Variants in AK9 observed in about 807,000 individuals in gnomAD.
The protein encoded by AK9 is adenylate kinase domain containing 1.
A neutral mutation model predicts 239.6 loss-of-function variants in AK9; 191 were observed. The ratio of observed to expected loss-of-function variants is 0.80; its 90% CI spans 0.71 to 0.90. AK9 has a LOEUF of 0.90. AK9 is among the 40% of genes least tolerant of loss of function. The probability of loss-of-function intolerance (pLI) is 0.00; values close to 1 mark genes in which losing one functional copy is unlikely to be tolerated. For missense variants in AK9, 1,995 were observed against 2,214.7 expected, an observed-to-expected ratio of 0.90 and a Z score of 1.99; for synonymous variants, 689 against 721.0, an observed-to-expected ratio of 0.96 and a Z score of 0.71.
intron 17 of AK9, among the ~76,000 whole-genome samples, chr6:109,604,519 A>G (rs1231144831): frequency 6.6e-6 from 1 of 152,148 alleles, no homozygotes. Flanking sequence ...TTTGGCATAT[A>G]CTAAATTTTT....
Position 109,545,472 on chromosome 6 carries a change from T to C in AK9, c.3225+395A>G, listed in dbSNP as rs189409011. On this transcript the variant is annotated intron_variant, in intron 26 of 40. Transcript: ENST00000424296. ...CCCATGCTGTTCTTGTGATAGTGAA[T>C]AGTCTCACAAAATCTGATGGTTTTA... Among the ~76,000 whole-genome samples the C allele has an allele frequency of 3.8e-3, 576 of 152,288 alleles. 3 individuals carry two copies. The highest frequency in any genetic ancestry group is 0.013 in the African/African-American group (543 of 41,562).
At chr6:109,675,586 T>C in intron 2 of AK9, 43 bp downstream of exon 2, 1 of 1,252,212 alleles carries the variant, frequency 8.0e-7, no homozygotes, top group Non-Finnish European at 1.1e-6. Flanking sequence ...ATTGTGATTT[T>C]AAAAATAAAA....
intron 1 of AK9, among the ~76,000 whole-genome samples, chr6:109,681,000 A>G (rs1202121958): frequency 1.3e-5 from 2 of 152,236 alleles, no homozygotes; most frequent in Admixed American, 1.3e-4. Flanking sequence ...AACATACCAA[A>G]TTGTAAAGAA....
intron 24 of AK9, among the ~76,000 whole-genome samples, chr6:109,558,605 A>T (rs560538401): frequency 6.6e-6 from 1 of 152,298 alleles, no homozygotes; most frequent in Non-Finnish European, 1.5e-5. Context: ...TGCCAATGAC[A>T]CTATTTTGAT....
chr6:109,661,030 G>T (rs1426990811), intron 6 of AK9: 2 of 453,386 alleles, frequency 4.4e-6, no homozygotes, highest in Non-Finnish European at 8.6e-6. Flanking sequence ...ATTTCAAGAG[G>T]TTCATGAATG....
intron 1 of AK9, among the ~76,000 whole-genome samples, chr6:109,683,167 T>C (rs551307196): frequency 1.1e-4 from 16 of 152,330 alleles, no homozygotes; most frequent in Admixed American, 2.6e-4. Context: ...TCTCAATAGA[T>C]GCAGAAAATG....
intron 29 of AK9, among the ~76,000 whole-genome samples, chr6:109,519,038 T>C (rs962423138): frequency 2.6e-5 from 4 of 152,172 alleles, no homozygotes; most frequent in Admixed American, 6.5e-5. Context: ...GTTTAGCTCC[T>C]ACTTATAAAT....
chr6:109,579,562 C>T lies in AK9; in HGVS notation c.2179G>A (p.Val727Met). The T allele has an allele frequency of 6.4e-7, 1 of 1,551,414 alleles. No homozygotes were observed. Among genetic ancestry groups the T allele is most frequent in the South Asian group, 1.2e-5 (1 of 83,988 alleles). Residue 727 changes from valine (V) to methionine (M), a missense_variant, in exon 20 of 41, where the codon GTG becomes ATG. This residue lies in a region of AK9 where 1,290 missense variants were observed against 1,392.7 expected (regional missense o/e 0.93). Transcript: ENST00000424296. The stretch of plus-strand genomic sequence containing the variant: ...AATCTGTGCTTGCCTTTTGCCTTCA[C>T]TTTCATAAGTTCCAGTAGCCTTCGA... ...ENRRLLELMK[V>M]KAKEAEETDN... is the part of the protein sequence containing the mutation.
intron 17 of AK9, among the ~76,000 whole-genome samples, chr6:109,600,115 T>C (rs1791698448): frequency 6.6e-6 from 1 of 152,196 alleles, no homozygotes; most frequent in Non-Finnish European, 1.5e-5. Context: ...CAACACTATG[T>C]TGAATAGGAG....
chr6:109,522,578 T>C (rs1469766430), intron 29 of AK9, among the ~76,000 whole-genome samples: 7 of 152,098 alleles, frequency 4.6e-5, no homozygotes, highest in Non-Finnish European at 8.8e-5. Flanking sequence ...TCTCACTTTT[T>C]ATAGCATCTT....
intron 12 of AK9, among the ~76,000 whole-genome samples, chr6:109,626,909 T>A (rs1452965304): frequency 6.6e-6 from 1 of 152,196 alleles, no homozygotes; most frequent in East Asian, 1.9e-4. Context: ...TTATAAACAA[T>A]GTACACTTAG....
chr6:109,653,174 G>A (rs1028076336), intron 8 of AK9, among the ~76,000 whole-genome samples: 5 of 152,110 alleles, frequency 3.3e-5, no homozygotes, highest in East Asian at 1.9e-4. Context: ...TGATCCACCC[G>A]TCTCCGCCTC....
chr6:109,610,904 G>A (rs1259819563), intron 16 of AK9, among the ~76,000 whole-genome samples: 2 of 152,286 alleles, frequency 1.3e-5, no homozygotes, highest in East Asian at 3.9e-4. Flanking sequence ...GAGACTACAA[G>A]GGACAGTGAG....
intron 25 of AK9, among the ~76,000 whole-genome samples, chr6:109,547,462 T>C (rs925495744): frequency 5.3e-5 from 8 of 152,188 alleles, no homozygotes; most frequent in Non-Finnish European, 1.2e-4. Flanking sequence ...GTCTCTTTAA[T>C]ATATGGTGCT....
At chr6:109,648,347 G>C (rs553689782) in intron 8 of AK9, among the ~76,000 whole-genome samples, 2 of 151,956 alleles carry the variant, frequency 1.3e-5, no homozygotes, top group Admixed American at 1.3e-4. Context: ...ACGCTAGCAA[G>C]ACTAATAAAG....
intron 29 of AK9, among the ~76,000 whole-genome samples, chr6:109,524,587 A>G (rs562111018): frequency 1.9e-4 from 29 of 152,232 alleles, no homozygotes; most frequent in Non-Finnish European, 4.0e-4. Flanking sequence ...TCAGATGTCC[A>G]GCATTCCCAT....
chr6:109,662,748 C>A, intron 5 of AK9, 85 bp from the exon 6 acceptor site: 1 of 572,102 alleles, frequency 1.7e-6, no homozygotes, highest in Non-Finnish European at 2.4e-6. Context: ...TATATATTTA[C>A]TATATTATTA....
intron 35 of AK9, among the ~76,000 whole-genome samples, chr6:109,503,206 T>G (rs930917509): frequency 1.3e-5 from 2 of 151,876 alleles, no homozygotes; most frequent in African/African-American, 4.8e-5. Flanking sequence ...GTATATAGTA[T>G]TATAATACAA....
chr6:109,656,790 T>C lies in AK9; in HGVS notation c.725A>G (p.Lys242Arg). Residue 242 changes from lysine to arginine, a missense_variant, in exon 8 of 41, where the codon AAG becomes AGG. Physicochemically the swap from Lys to Arg is conservative, Grantham distance 26. Transcript: ENST00000424296. ...DYLENVENIV[K>R]LYKETILQTL... ...TTGGAGAATTGTTTCCTTATAAAGC[T>C]TAACAATGTTTTCAACATTTTCCAA... The C allele has an allele frequency of 6.2e-7, 1 of 1,604,758 alleles. No individual in the cohort carries two copies. Among genetic ancestry groups the C allele is most frequent in the South Asian group, 1.1e-5 (1 of 90,696 alleles).
Sources: gnomAD v4.1 joint callset for allele counts (sites outside exome capture counted in the v4.1 genomes callset) on GRCh38, gnomAD v4.1.1 for gene constraint, gnomAD v4.1.1 regional missense constraint, MANE v1.5 for transcripts, NCBI Gene and HGNC (gene_info 2026-07-23, HGNC 2026-07-21) for gene names.